GSAP: variants seen among roughly 807,000 people sequenced by gnomAD.
GSAP encodes the protein gamma-secretase-activating protein.
In GSAP, 118 loss-of-function variants were observed where a neutral mutation model predicts 131.7. The ratio of observed to expected loss-of-function variants is 0.90; its 90% CI spans 0.77 to 1.04. The LOEUF is 1.04. GSAP is among the 50% of genes least tolerant of loss of function. The probability of loss-of-function intolerance (pLI) is 0.00; values close to 1 mark genes in which losing one functional copy is unlikely to be tolerated. For synonymous variants in GSAP, 381 were observed against 363.4 expected, an observed-to-expected ratio of 1.05 and a Z score of -0.55; for missense variants, 1,019 against 1,013.2, an observed-to-expected ratio of 1.01 and a Z score of -0.08.
chr7:77,370,183 C>T (rs1418131867), intron 12 of GSAP, among the ~76,000 whole-genome samples: 15 of 152,096 alleles, frequency 9.9e-5, no homozygotes, highest in Admixed American at 8.5e-4. Flanking sequence ...AGGGGCCAGG[C>T]GCGGTGGCTC....
At position 77,396,999 on chromosome 7, in the gene GSAP, CT is replaced by C; in HGVS notation, c.349del (p.Arg117GlyfsTer11). On this transcript the variant is annotated frameshift_variant, in exon 5 of 31. Transcript: ENST00000257626. LOFTEE classifies it high-confidence loss of function. Reference protein sequence around the residue: ...SLVQSTKEGKRNELQPGSKCL... With the variant: ...SLVQSTKEGKXNELQPGSKCL... ...TTCATTACCTGGTTGAAGTTCGTTC[CT>C]TTTTCCTTCTTTAGTAGACTGAACT... is the stretch of plus-strand genomic sequence containing the variant. 3.1e-6 allele frequency: 5 copies of C among 1,599,574 alleles called. No individual in the cohort carries two copies. Among genetic ancestry groups the C allele is most frequent in the South Asian group, 1.1e-5 (1 of 89,844 alleles).
intron 5 of GSAP, among the ~76,000 whole-genome samples, chr7:77,388,426 T>C: frequency 1.3e-5 from 2 of 152,226 alleles, no homozygotes; most frequent in East Asian, 3.8e-4. Context: ...ATAGCACTGA[T>C]AATGACCCAC....
At chr7:77,349,287 A>G in intron 19 of GSAP, 64 bp downstream of exon 19, 1 of 1,295,070 alleles carries the variant, frequency 7.7e-7, no homozygotes, top group Middle Eastern at 1.8e-4. Context: ...AACCACCATA[A>G]TACTCAGGCA....
At chr7:77,350,474 G>T (rs1792678753) in intron 18 of GSAP, among the ~76,000 whole-genome samples, 2 of 150,130 alleles carry the variant, frequency 1.3e-5, no homozygotes, top group African/African-American at 4.9e-5. Flanking sequence ...AGTGGCTCGC[G>T]CCTGTAATCC....
Position 77,361,566 on chromosome 7 carries a change from T to C in GSAP, c.950-665A>G, listed in dbSNP as rs568866388. Reference sequence around the variant, plus strand: ...AACTTTTTTACCTTAATCTCTAACCTGAGGAGGTAATATCAGGTCCATCTA... The same window carrying C: ...AACTTTTTTACCTTAATCTCTAACCCGAGGAGGTAATATCAGGTCCATCTA... On this transcript the variant is annotated intron_variant, in intron 13 of 30. Transcript: ENST00000257626. 1.4e-3 allele frequency among the ~76,000 whole-genome samples: 217 copies of C among 152,310 alleles called. 2 individuals are homozygous for C. Among genetic ancestry groups the C allele is most frequent in the African/African-American group, 5.0e-3 (207 of 41,564 alleles).
At position 77,400,979 on chromosome 7, in the gene GSAP, A is replaced by C. The variant is rs1444173611; in HGVS notation, c.244-3564T>G. On this transcript the variant is annotated intron_variant, in intron 3 of 30. Transcript: ENST00000257626. ...TAACAAAACCTCCATGGGTAGGCTCAACAACATAGTGGAGAGGACAGAACA... is the reference window on the plus strand; with the variant it reads ...TAACAAAACCTCCATGGGTAGGCTCCACAACATAGTGGAGAGGACAGAACA... 2.0e-5 allele frequency among the ~76,000 whole-genome samples: 3 copies of C among 151,514 alleles called. No individual in the cohort carries two copies. In the South Asian group the frequency reaches 6.2e-4, roughly 32 times the overall value.
rs947705155 is a variant in GSAP, at chr7:77,365,280, T to C, written c.872-2620A>G. 2.0e-5 allele frequency among the ~76,000 whole-genome samples: 3 copies of C among 152,098 alleles called. No individual in the cohort carries two copies. The East Asian group carries it at 5.8e-4, about 29-fold the overall frequency. On this transcript the variant is annotated intron_variant, in intron 12 of 30. Coordinates refer to ENST00000257626, the MANE Select transcript of GSAP (RefSeq NM_017439.4). The stretch of plus-strand genomic sequence containing the variant: ...CAGGGGTACATGTGAAGGTTTGTTA[T>C]ATAGGTAAACTCATATCACAGGGGT...
At chr7:77,415,365 T>C (rs941100668) in intron 1 of GSAP, 6 of 152,262 alleles carry the variant, frequency 3.9e-5, no homozygotes, top group Admixed American at 2.0e-4. Context: ...CCTACAGGCA[T>C]CATTGCTTTG....
intron 22 of GSAP, 66 bp from the exon 23 acceptor site, chr7:77,326,339 G>A (rs1788328372): frequency 1.8e-6 from 2 of 1,089,426 alleles, no homozygotes; most frequent in African/African-American, 1.6e-5. Flanking sequence ...GAAGGAAGAA[G>A]AATCAGCCTG....
At chr7:77,380,657 T>C (rs1235246834) in intron 8 of GSAP, among the ~76,000 whole-genome samples, 5 of 151,554 alleles carry the variant, frequency 3.3e-5, no homozygotes, top group Admixed American at 3.3e-4. Context: ...AGGAGATTAG[T>C]ATTAGTGTGG....
At chr7:77,412,624 A>C (rs1339407616) in intron 1 of GSAP, among the ~76,000 whole-genome samples, 1 of 152,062 alleles carries the variant, frequency 6.6e-6, no homozygotes, top group Non-Finnish European at 1.5e-5. Context: ...AATCCCAAAA[A>C]CATAACCCCT....
intron 3 of GSAP, among the ~76,000 whole-genome samples, chr7:77,404,146 G>A (rs538653382): frequency 4.0e-4 from 61 of 152,336 alleles, no homozygotes; most frequent in Admixed American, 1.2e-3. Context: ...GGCCTGCCCA[G>A]GTATTGTGCA....
At chr7:77,352,632 A>C (rs886781742) in intron 18 of GSAP, among the ~76,000 whole-genome samples, 1 of 152,232 alleles carries the variant, frequency 6.6e-6, no homozygotes, top group African/African-American at 2.4e-5. Flanking sequence ...AACTCAGTAC[A>C]TATTTTAATC....
chr7:77,377,038 A>G, intron 9 of GSAP, 131 bp from the exon 10 acceptor site: 1 of 675,550 alleles, frequency 1.5e-6, no homozygotes, highest in South Asian at 2.0e-5. Flanking sequence ...TAATAATGTC[A>G]AAATCAAATT....
At chr7:77,403,724 T>C (rs1248082669) in intron 3 of GSAP, among the ~76,000 whole-genome samples, 2 of 152,212 alleles carry the variant, frequency 1.3e-5, no homozygotes, top group African/African-American at 2.4e-5. Flanking sequence ...CCTCCTACTT[T>C]CTTAGAGGAT....
In GSAP at chr7:77,368,299, C is replaced by CCTTCCCTGTGAGAGTGGCACTTACG. The variant is rs577398624; in HGVS notation, c.872-5664_872-5640dup. ...GTTGAAGGCGCTGCATTTACTCGCC[C>CCTTCCCTGTGAGAGTGGCACTTACG]CTTCCCTGTGAGAGTGGCACTTACG... is the stretch of plus-strand genomic sequence containing the variant. On this transcript the variant is annotated intron_variant, in intron 12 of 30. Coordinates refer to ENST00000257626, the MANE Select transcript of GSAP (RefSeq NM_017439.4). Among the ~76,000 whole-genome samples the CCTTCCCTGTGAGAGTGGCACTTACG allele has an allele frequency of 3.9e-5, 6 of 152,178 alleles. No individual in the cohort carries two copies. The South Asian group carries it at 8.3e-4, about 21-fold the overall frequency.
intron 1 of GSAP, among the ~76,000 whole-genome samples, chr7:77,406,713 C>T (rs899052817): frequency 6.6e-6 from 1 of 152,162 alleles, no homozygotes; most frequent in African/African-American, 2.4e-5. Context: ...GTGCCATTAG[C>T]CAAGGGTCAG....
At chr7:77,371,668 TTCAGGTGA>T (rs1796146544) in intron 12 of GSAP, among the ~76,000 whole-genome samples, 1 of 152,092 alleles carries the variant, frequency 6.6e-6, no homozygotes, top group Non-Finnish European at 1.5e-5. Flanking sequence ...AACTCCTGAC[TTCAGGTGA>T]TCTGCCCGCC....
chr7:77,400,591 C>T (rs1238474053), intron 3 of GSAP, among the ~76,000 whole-genome samples: 1 of 152,148 alleles, frequency 6.6e-6, no homozygotes, highest in Non-Finnish European at 1.5e-5. Flanking sequence ...CCACCAACCC[C>T]GCTAATTCCC....
Sources: gnomAD v4.1 joint callset for allele counts (sites outside exome capture counted in the v4.1 genomes callset) on GRCh38, gnomAD v4.1.1 for gene constraint, MANE v1.5 for transcripts, NCBI Gene and HGNC (gene_info 2026-07-23, HGNC 2026-07-21) for gene names.